The following CPNE4 variants were observed in gnomAD, a reference collection of about 807,000 sequenced individuals.
CPNE4 encodes the protein copine-4.
CPNE4 carries 25 observed loss-of-function variants against 67.9 expected under a neutral mutation model. The ratio of observed to expected loss-of-function variants is 0.37; its 90% confidence interval spans 0.27 to 0.51. The LOEUF (loss-of-function observed/expected upper bound fraction) is 0.51. Ranked by LOEUF, CPNE4 falls within the 20% of genes least tolerant of loss-of-function variation. The pLI, the probability that CPNE4 is intolerant of heterozygous loss-of-function variation, is 0.93. For missense variants in CPNE4, 464 were observed against 690.8 expected (o/e 0.67, Z 3.68); for synonymous variants, 242 against 244.9 (o/e 0.99, Z 0.11).
At chr3:131,570,782 T>C (rs1031360843) in intron 10 of CPNE4, among the ~76,000 whole-genome samples, 1 of 152,042 alleles carries the variant, frequency 6.6e-6, no homozygotes, top group Non-Finnish European at 1.5e-5. Flanking sequence ...CTATAGATCA[T>C]GTATCAAATT....
chr3:131,966,681 G>T (rs1195227208), intron 1 of CPNE4, among the ~76,000 whole-genome samples: 1 of 152,074 alleles, frequency 6.6e-6, no homozygotes, highest in Non-Finnish European at 1.5e-5. Flanking sequence ...GGAAGAAGTC[G>T]AATCCCAGAA....
chr3:131,691,399 C>A (rs1028509320), intron 5 of CPNE4, among the ~76,000 whole-genome samples: 1 of 151,986 alleles, frequency 6.6e-6, no homozygotes, highest in African/African-American at 2.4e-5. Context: ...TTCTGTAACA[C>A]CCTGGTTGCA....
intron 1 of CPNE4, among the ~76,000 whole-genome samples, chr3:131,924,512 C>T (rs956494274): frequency 6.6e-6 from 1 of 152,018 alleles, no homozygotes; most frequent in African/African-American, 2.4e-5. Flanking sequence ...CTTTGCTGCA[C>T]CCAGGAATCA....
intron 2 of CPNE4, among the ~76,000 whole-genome samples, chr3:131,733,435 C>G (rs2082170417): frequency 6.6e-6 from 1 of 152,196 alleles, no homozygotes; most frequent in Admixed American, 6.5e-5. Flanking sequence ...TAGAATATCT[C>G]ATGAGAAATC....
chr3:131,853,850 C>T (rs1342571496), intron 2 of CPNE4, among the ~76,000 whole-genome samples: 3 of 151,762 alleles, frequency 2.0e-5, no homozygotes, highest in Non-Finnish European at 4.4e-5. Flanking sequence ...ATATTTCATG[C>T]CCACTAAAAT....
At chr3:131,575,797 A>G (rs1937534544) in intron 9 of CPNE4, among the ~76,000 whole-genome samples, 1 of 152,060 alleles carries the variant, frequency 6.6e-6, no homozygotes. Flanking sequence ...TTGAGACTCA[A>G]ATGATGCAAG....
At chr3:131,603,163 T>C (rs562569665) in intron 7 of CPNE4, among the ~76,000 whole-genome samples, 1 of 152,298 alleles carries the variant, frequency 6.6e-6, no homozygotes, top group Non-Finnish European at 1.5e-5. Context: ...ATGGTTTATT[T>C]TCACTCATTA....
At chr3:131,580,720 C>T (rs373166416) in intron 9 of CPNE4, among the ~76,000 whole-genome samples, 5 of 152,292 alleles carry the variant, frequency 3.3e-5, no homozygotes, top group South Asian at 4.1e-4. Flanking sequence ...CAACTAGTGT[C>T]AGCATCACTC....
intron 12 of CPNE4, among the ~76,000 whole-genome samples, chr3:131,553,972 C>T (rs1015216995): frequency 4.6e-5 from 7 of 151,988 alleles, no homozygotes; most frequent in Admixed American, 2.0e-4. Context: ...GTTAGGGGAT[C>T]AAGTGAACAA....
At position 131,596,346 on chromosome 3, in the gene CPNE4, G is replaced by C. The variant is rs1938854418; in HGVS notation, c.682-8764C>G. ...TGTTAAAAATTAAGTAAAGCGGCCG[G>C]GCGCGGTGGCTCACGCCTGTAATCC... On this transcript the variant is annotated intron_variant, in intron 7 of 15. Transcript: ENST00000429747. 2.6e-5 allele frequency among the ~76,000 whole-genome samples: 3 copies of C among 116,968 alleles called. 1 individual carries two copies. Among genetic ancestry groups the C allele is most frequent in the Middle Eastern group, 8.4e-3 (2 of 238 alleles). 76.7% of individuals were successfully genotyped at this position (116,968 alleles called of 152,430 possible).
At chr3:131,763,628 A>T (rs1169775281) in intron 2 of CPNE4, among the ~76,000 whole-genome samples, 1 of 152,128 alleles carries the variant, frequency 6.6e-6, no homozygotes, top group African/African-American at 2.4e-5. Context: ...TTTACCTCCC[A>T]GATTTCACCT....
At chr3:131,607,418 A>C (rs1939571979) in intron 7 of CPNE4, among the ~76,000 whole-genome samples, 1 of 152,186 alleles carries the variant, frequency 6.6e-6, no homozygotes, top group African/African-American at 2.4e-5. Flanking sequence ...CTGGAAGTGT[A>C]AACCCATCCA....
intron 2 of CPNE4, among the ~76,000 whole-genome samples, chr3:131,748,645 G>A (rs2082550331): frequency 6.6e-6 from 1 of 151,940 alleles, no homozygotes; most frequent in Admixed American, 6.6e-5. Context: ...TTCATTTTGG[G>A]TTAATTTTTG....
intron 1 of CPNE4, among the ~76,000 whole-genome samples, chr3:131,965,969 G>C (rs574277627): frequency 2.6e-5 from 4 of 152,088 alleles, no homozygotes; most frequent in Admixed American, 2.6e-4. Context: ...CACATAATTC[G>C]AAGTAAAACA....
intron 7 of CPNE4, among the ~76,000 whole-genome samples, chr3:131,612,846 G>T (rs765048545): frequency 6.6e-6 from 1 of 152,176 alleles, no homozygotes; most frequent in Non-Finnish European, 1.5e-5. Flanking sequence ...GAGTCAGGAG[G>T]CATGTATGTC....
chr3:131,771,721 A>G (rs753707962), intron 2 of CPNE4, among the ~76,000 whole-genome samples: 2 of 152,136 alleles, frequency 1.3e-5, no homozygotes, highest in Non-Finnish European at 2.9e-5. Context: ...CTTTATAGCA[A>G]CACACAAACA....
At chr3:131,693,567 G>T (rs1183263901) in intron 5 of CPNE4, among the ~76,000 whole-genome samples, 1 of 152,062 alleles carries the variant, frequency 6.6e-6, no homozygotes, top group Non-Finnish European at 1.5e-5. Context: ...GTGATATTAG[G>T]CATCATGCAG....
chr3:131,594,953 G>C (rs981358306), intron 7 of CPNE4, among the ~76,000 whole-genome samples: 2 of 152,166 alleles, frequency 1.3e-5, no homozygotes, highest in Admixed American at 1.3e-4. Context: ...GTATACGAAG[G>C]TGCTTGGCAT....
intron 2 of CPNE4, among the ~76,000 whole-genome samples, chr3:131,903,916 A>G (rs2088646263): frequency 6.6e-6 from 1 of 152,088 alleles, no homozygotes. Flanking sequence ...AAAGAACCCC[A>G]CTGTTTTTCC....
Sources: allele counts gnomAD v4.1 joint callset (sites outside exome capture counted in the v4.1 genomes callset), GRCh38; gene constraint gnomAD v4.1.1; transcripts MANE v1.5; gene names NCBI Gene and HGNC (gene_info 2026-07-23, HGNC 2026-07-21).